Variants in SPECC1L observed in about 807,000 individuals in gnomAD.
SPECC1L encodes the protein sperm antigen with calponin homology and coiled-coil domains 1 like, also known as cytospin-A.
Under a neutral mutation model 116.8 loss-of-function variants are expected in SPECC1L, and 40 were observed. The observed-to-expected ratio is 0.34, with a 90% confidence interval of 0.27 to 0.45. The LOEUF is 0.45. SPECC1L is among the 20% of genes least tolerant of loss of function. SPECC1L has a pLI of 1.00. For missense variants in SPECC1L, 1,110 were observed against 1,373.6 expected (o/e 0.81, Z 3.03); for synonymous variants, 504 against 500.6 (o/e 1.01, Z -0.09).
chr22:24,306,757 C>A (rs1455653050), intron 3 of SPECC1L, among the ~76,000 whole-genome samples: 1 of 152,182 alleles, frequency 6.6e-6, no homozygotes, highest in East Asian at 1.9e-4. Context: ...ATCTCCAGAA[C>A]TTGTCATCTT....
intron 10 of SPECC1L, among the ~76,000 whole-genome samples, chr22:24,340,669 C>T (rs964143119): frequency 1.3e-5 from 2 of 152,050 alleles, no homozygotes; most frequent in Non-Finnish European, 1.5e-5. Context: ...AAAACTAATA[C>T]TTATGAGCTA....
At chr22:24,368,143 A>G (rs1021125095) in intron 13 of SPECC1L, among the ~76,000 whole-genome samples, 3 of 152,222 alleles carry the variant, frequency 2.0e-5, no homozygotes, top group Non-Finnish European at 2.9e-5. Flanking sequence ...GCAGTTGACA[A>G]TGCCATAAAG....
chr22:24,288,157 C>T (rs140772673), intron 2 of SPECC1L, among the ~76,000 whole-genome samples: 25 of 152,218 alleles, frequency 1.6e-4, no homozygotes, highest in African/African-American at 4.3e-4. Context: ...TTTTACGGAA[C>T]GATTTACAGA....
chr22:24,334,630 T>A lies in SPECC1L; in HGVS notation c.2560+57T>A, dbSNP rs796783465. On this transcript the variant is annotated intron_variant, in intron 9 of 16. Coordinates refer to ENST00000314328, the MANE Select transcript of SPECC1L (RefSeq NM_015330.6). ...CATGCGGTTGTGTTCACTTACCTTATATTCTCTGGTCTGATTTGGTATTCT... is the reference window on the plus strand; with the variant it reads ...CATGCGGTTGTGTTCACTTACCTTAAATTCTCTGGTCTGATTTGGTATTCT... 2.5e-6 allele frequency: 4 copies of A among 1,574,852 alleles called. No homozygotes were observed. In the African/African-American group the frequency reaches 5.4e-5, roughly 21 times the overall value.
At chr22:24,358,226 C>T (rs1263730205) in intron 11 of SPECC1L, among the ~76,000 whole-genome samples, 2 of 151,506 alleles carry the variant, frequency 1.3e-5, no homozygotes, top group African/African-American at 4.9e-5. Flanking sequence ...GCTGTCCTCC[C>T]ACGTCAGTCC....
At chr22:24,288,644 T>TTTTTTTTTTTTTG (rs2049097699) in intron 2 of SPECC1L, among the ~76,000 whole-genome samples, 1 of 125,360 alleles carries the variant, frequency 8.0e-6, no homozygotes, top group African/African-American at 3.2e-5. Context: ...TTTTTTTTTT[T>TTTTTTTTTTTTTG]GGACATATCC....
At chr22:24,401,985 C>T (rs1012211729) in intron 14 of SPECC1L, among the ~76,000 whole-genome samples, 25 of 152,104 alleles carry the variant, frequency 1.6e-4, no homozygotes, top group South Asian at 6.3e-4. Context: ...CCTCGGCCGC[C>T]TGCCCTACCT....
At chr22:24,305,192 C>T (rs1289616791) in intron 3 of SPECC1L, among the ~76,000 whole-genome samples, 4 of 152,132 alleles carry the variant, frequency 2.6e-5, no homozygotes, top group Admixed American at 6.5e-5. Context: ...GTAAAGCATA[C>T]GTACAGCAAA....
At chr22:24,308,093 G>C (rs1281464490) in intron 3 of SPECC1L, among the ~76,000 whole-genome samples, 3 of 151,972 alleles carry the variant, frequency 2.0e-5, no homozygotes, top group Non-Finnish European at 4.4e-5. Flanking sequence ...GTTTCAGCAT[G>C]AACTATAGAC....
At position 24,365,426 on chromosome 22, in the gene SPECC1L, T is replaced by G. The variant is rs2041740563; in HGVS notation, c.2828-50T>G. On this transcript the variant is annotated intron_variant, in intron 12 of 16. Transcript: ENST00000314328. The stretch of plus-strand genomic sequence containing the variant: ...TTCAGAAAAAAAAAATCTCAAGAAC[T>G]CAGTCTAAAATGTTTTTGCTATAGA... 3 of 1,582,048 alleles carry G rather than the reference T, an allele frequency of 1.9e-6. No homozygotes were observed. The Admixed American group carries it at 5.0e-5, about 27-fold the overall frequency.
At chr22:24,313,959 G>C (rs1439911899) in intron 4 of SPECC1L, among the ~76,000 whole-genome samples, 2 of 152,002 alleles carry the variant, frequency 1.3e-5, no homozygotes, top group African/African-American at 2.4e-5. Context: ...GGCTGGTCTC[G>C]AACTCCTGAC....
chr22:24,413,562 C>T (rs1404734938), intron 16 of SPECC1L, among the ~76,000 whole-genome samples: 1 of 152,156 alleles, frequency 6.6e-6, no homozygotes, highest in Non-Finnish European at 1.5e-5. Flanking sequence ...CATGTTCACT[C>T]ATTAGAGTCT....
intron 2 of SPECC1L, among the ~76,000 whole-genome samples, chr22:24,287,976 C>G (rs970532204): frequency 1.3e-5 from 2 of 152,124 alleles, no homozygotes; most frequent in African/African-American, 2.4e-5. Context: ...TGGTTCATCT[C>G]AGATTTCATT....
At chr22:24,348,996 G>A (rs1000754034) in intron 11 of SPECC1L, among the ~76,000 whole-genome samples, 5 of 151,802 alleles carry the variant, frequency 3.3e-5, no homozygotes, top group African/African-American at 4.8e-5. Context: ...CCTTCTCTCT[G>A]TCAGGCTGCT....
Position 24,334,452 on chromosome 22 carries a change from C to A in SPECC1L, c.2439C>A (p.Ala813=). The change falls in exon 9 of 17, where the codon GCC becomes GCA. Residue 813 remains alanine, a synonymous_variant. Transcript: ENST00000314328. ...ERGRVYNYMN[A]VERDLAALRQ... ...GCCGGGTATACAATTACATGAATGC[C>A]GTTGAGAGAGATTTGGCAGCCTTAA... 3 of 1,614,066 alleles carry A rather than the reference C, an allele frequency of 1.9e-6. No individual in the cohort carries two copies. Among genetic ancestry groups the A allele is most frequent in the Non-Finnish European group, 2.5e-6 (3 of 1,179,988 alleles).
At chr22:24,345,494 A>G (rs901346749) in intron 10 of SPECC1L, among the ~76,000 whole-genome samples, 1 of 152,246 alleles carries the variant, frequency 6.6e-6, no homozygotes, top group Non-Finnish European at 1.5e-5. Context: ...ACGTTAAGAA[A>G]ATACAAAAAG....
intron 14 of SPECC1L, among the ~76,000 whole-genome samples, chr22:24,404,521 G>A (rs1015882680): frequency 2.0e-5 from 3 of 152,108 alleles, no homozygotes; most frequent in African/African-American, 4.8e-5. Flanking sequence ...CACTGCATGC[G>A]CTCTCCCTCC....
Position 24,322,601 on chromosome 22 carries a change from A to G in SPECC1L, c.1621A>G (p.Ser541Gly). The G allele has an allele frequency of 1.2e-6, 2 of 1,614,230 alleles. No individual in the cohort carries two copies. The highest frequency in any genetic ancestry group is 1.7e-6 in the Non-Finnish European group (2 of 1,180,026). The change falls in exon 5 of 17, where the codon AGT becomes GGT. Residue 541 changes from serine (S) to glycine (G), a missense_variant. Around this residue, in one of 4 missense-constraint regions of SPECC1L, gnomAD observed 575 missense variants for 682.4 expected, o/e 0.84. Coordinates refer to ENST00000314328, the MANE Select transcript of SPECC1L (RefSeq NM_015330.6). The stretch of plus-strand genomic sequence containing the variant: ...AATGATAGGGGCACTCAAAGAACGC[A>G]GTCACCATATGGAGCGAATTATTGA... ...QEMIGALKER[S>G]HHMERIIESE...
At position 24,416,907 on chromosome 22, in the gene SPECC1L, C is replaced by T. The variant is rs1251208387; in HGVS notation, c.*2284C>T. ...GCCTATCTAGAGGCTTGCCTCGGGC[C>T]CCTCCTTGGGGAAGGTTTGCGTGCA... On this transcript the variant is annotated 3_prime_UTR_variant, in exon 17 of 17. Coordinates refer to ENST00000314328, the MANE Select transcript of SPECC1L (RefSeq NM_015330.6). 6.6e-6 allele frequency: 1 copy of T among 152,380 alleles called. No homozygotes were observed. The highest frequency in any genetic ancestry group is 1.5e-5 in the Non-Finnish European group (1 of 68,152). 9.4% of individuals were successfully genotyped at this position (152,380 alleles called of 1,614,324 possible).
Sources: allele counts gnomAD v4.1 joint callset (sites outside exome capture counted in the v4.1 genomes callset), GRCh38; gene constraint gnomAD v4.1.1; regional missense constraint gnomAD v4.1.1; transcripts MANE v1.5; gene names NCBI Gene and HGNC (gene_info 2026-07-23, HGNC 2026-07-21).